GAPDH: variants seen among roughly 807,000 people sequenced by gnomAD.
GAPDH encodes glyceraldehyde-3-phosphate dehydrogenase.
Under a neutral mutation model 31.2 loss-of-function variants are expected in GAPDH, and 13 were observed. The ratio of observed to expected loss-of-function variants is 0.42; its 90% confidence interval spans 0.27 to 0.66. GAPDH has a LOEUF of 0.66. Among genes scored for constraint, GAPDH ranks in the 30% least tolerant of loss-of-function variants. GAPDH has a pLI of 0.26. For missense variants in GAPDH, 300 were observed against 443.7 expected (o/e 0.68, Z 2.91); for synonymous variants, 211 against 166.9 (o/e 1.26, Z -2.04).
At chr12:6,534,917 T>C (rs1565551452) in intron 2 of GAPDH, 56 bp downstream of exon 2, 3 of 1,590,296 alleles carry the variant, frequency 1.9e-6, no homozygotes, top group East Asian at 2.2e-5. Flanking sequence ...GAACCGCGTC[T>C]ACGAGCCTTG....
At position 6,537,026 on chromosome 12, in the gene GAPDH, C is replaced by G; in HGVS notation, c.327+16C>G. The G allele has an allele frequency of 6.2e-7, 1 of 1,609,852 alleles. No individual in the cohort carries two copies. On this transcript the variant is annotated intron_variant, in intron 5 of 8. Coordinates refer to ENST00000229239, the MANE Select transcript of GAPDH (RefSeq NM_002046.7). The surrounding 1 kb of genome is among the most constrained non-coding windows in gnomAD (Gnocchi z 4.9). ...GAAGGCTGGGGTGAGTGCAGGAGGG[C>G]CCGCGGGAGGGGAAGCTGACTCAGC...
At chr12:6,534,651 GCCGCTGCGGGGTGGGCCCGGGCGGCCT>G in intron 1 of GAPDH, 82 bp downstream of exon 1, 1 of 688,752 alleles carries the variant, frequency 1.5e-6, no homozygotes, top group Non-Finnish European at 2.5e-6. Context: ...ATGTGTTCGC[GCCGCTGCGGGGTGGGCCCGGGCGGCCT>G]CCGCATTGCA....
Position 6,537,027 on chromosome 12 carries a change from C to G in GAPDH, c.327+17C>G. Reference sequence around the variant, plus strand: ...AAGGCTGGGGTGAGTGCAGGAGGGCCCGCGGGAGGGGAAGCTGACTCAGCC... The same window carrying G: ...AAGGCTGGGGTGAGTGCAGGAGGGCGCGCGGGAGGGGAAGCTGACTCAGCC... On this transcript the variant is annotated intron_variant, in intron 5 of 8. Transcript: ENST00000229239. The surrounding 1 kb of genome is among the most constrained non-coding windows in gnomAD (Gnocchi z 4.9). 1 of 1,610,318 alleles carries G rather than the reference C, an allele frequency of 6.2e-7. No homozygotes were observed. Among genetic ancestry groups the G allele is most frequent in the Non-Finnish European group, 8.5e-7 (1 of 1,178,230 alleles).
Position 6,537,620 on chromosome 12 carries a change from G to C in GAPDH, c.562G>C (p.Val188Leu). The C allele has an allele frequency of 6.2e-7, 1 of 1,611,926 alleles. No individual in the cohort carries two copies. The highest frequency in any genetic ancestry group is 8.5e-7 in the Non-Finnish European group (1 of 1,179,822). ...TGCCATCACTGCCACCCAGAAGACT[G>C]TGGATGGCCCCTCCGGGAAACTGTG... is the stretch of plus-strand genomic sequence containing the variant. ...VHAITATQKT[V>L]DGPSGKLWRD... The change falls in exon 8 of 9, where the codon GTG becomes CTG. Residue 188 changes from valine to leucine, a missense_variant. By Grantham distance (32) the Val-to-Leu change is conservative. Coordinates refer to ENST00000229239, the MANE Select transcript of GAPDH (RefSeq NM_002046.7). This position sits in a 1 kb window ranked among gnomAD's most constrained non-coding sequence, Gnocchi z 4.9.
chr12:6,536,701 T>C lies in GAPDH; in HGVS notation c.147T>C (p.Tyr49=). ...TCCCCCAGGTTTACATGTTCCAATA[T>C]GATTCCACCCATGGCAAATTCCATG... ...DLNYMVYMFQ[Y]DSTHGKFHGT... The change falls in exon 4 of 9, where the codon TAT becomes TAC. Residue 49 remains tyrosine (Y), a synonymous_variant. Coordinates refer to ENST00000229239, the MANE Select transcript of GAPDH (RefSeq NM_002046.7). The C allele has an allele frequency of 5.0e-6, 8 of 1,613,936 alleles. No individual in the cohort carries two copies. Among genetic ancestry groups the C allele is most frequent in the Non-Finnish European group, 6.8e-6 (8 of 1,179,914 alleles).
Position 6,537,974 on chromosome 12 carries a change from C to G in GAPDH, c.916C>G (p.His306Asp), listed in dbSNP as rs1592189664. 1 of 1,613,330 alleles carries G rather than the reference C, an allele frequency of 6.2e-7. No homozygotes were observed. The highest frequency in any genetic ancestry group is 8.5e-7 in the Non-Finnish European group (1 of 1,179,532). ...TGGGGCTGGCATTGCCCTCAACGAC[C>G]ACTTTGTCAAGCTCATTTCCTGGTA... is the stretch of plus-strand genomic sequence containing the variant. The part of the protein sequence containing the change: ...DAGAGIALND[H>D]FVKLISWYDN... Residue 306 changes from histidine to aspartate, a missense_variant, in exon 8 of 9, where the codon CAC becomes GAC. Coordinates refer to ENST00000229239, the MANE Select transcript of GAPDH (RefSeq NM_002046.7). The surrounding 1 kb of genome is among the most constrained non-coding windows in gnomAD (Gnocchi z 4.9).
chr12:6,537,821 TATG>T lies in GAPDH; in HGVS notation c.768_770del (p.Asp257del), dbSNP rs779337992. 6.2e-7 allele frequency: 1 copy of T among 1,612,028 alleles called. No homozygotes were observed. Among genetic ancestry groups the T allele is most frequent in the South Asian group, 1.1e-5 (1 of 90,996 alleles). Reference sequence around the variant, plus strand: ...CTGCCGTCTAGAAAAACCTGCCAAATATGATGACATCAAGAAGGTGGTGAAGCA... The same window carrying T: ...CTGCCGTCTAGAAAAACCTGCCAAATATGACATCAAGAAGGTGGTGAAGCA... On this transcript the variant is annotated inframe_deletion, in exon 8 of 9. Transcript: ENST00000229239. This position sits in a 1 kb window ranked among gnomAD's most constrained non-coding sequence, Gnocchi z 4.9.
In GAPDH at chr12:6,537,798, G is replaced by T; in HGVS notation, c.740G>T (p.Cys247Phe). Residue 247 changes from cysteine to phenylalanine, a missense_variant, in exon 8 of 9, where the codon TGC becomes TTC. Coordinates refer to ENST00000229239, the MANE Select transcript of GAPDH (RefSeq NM_002046.7). The surrounding 1 kb of genome is among the most constrained non-coding windows in gnomAD (Gnocchi z 4.9). ...TANVSVVDLT[C>F]RLEKPAKYDD... ...AACGTGTCAGTGGTGGACCTGACCTGCCGTCTAGAAAAACCTGCCAAATAT... is the reference window on the plus strand; with the variant it reads ...AACGTGTCAGTGGTGGACCTGACCTTCCGTCTAGAAAAACCTGCCAAATAT... 6.2e-7 allele frequency: 1 copy of T among 1,611,838 alleles called. No homozygotes were observed. The highest frequency in any genetic ancestry group is 8.5e-7 in the Non-Finnish European group (1 of 1,179,854).
rs138192447 is a variant in GAPDH at position 6,538,086 on chromosome 12, CTT to C, written c.939-12_939-11del. ...GCTCAGAAAAAGGGCCCTGACAACT[CTT>C]TTCATCTTCTAGGTATGACAACGAA... is the stretch of plus-strand genomic sequence containing the variant. On this transcript the variant is annotated splice_polypyrimidine_tract_variant and intron_variant, in intron 8 of 8. Transcript: ENST00000229239. 5,413 of 1,600,132 alleles carry C rather than the reference CTT, an allele frequency of 3.4e-3. 188 individuals are homozygous for C. The African/African-American group carries it at 0.062, about 18-fold the overall frequency.
Position 6,534,815 on chromosome 12 carries a change from C to T in GAPDH, c.-18C>T, listed in dbSNP as rs1241244805. 2 of 1,613,412 alleles carry T rather than the reference C, an allele frequency of 1.2e-6. No homozygotes were observed. The highest frequency in any genetic ancestry group is 1.7e-6 in the Non-Finnish European group (2 of 1,179,756). Reference sequence around the variant, plus strand: ...TGTTCTCTCCCTCCGCGCAGCCGAGCCACATCGCTCAGACACCATGGGGAA... The same window carrying T: ...TGTTCTCTCCCTCCGCGCAGCCGAGTCACATCGCTCAGACACCATGGGGAA... On this transcript the variant is annotated 5_prime_UTR_variant, in exon 2 of 9. Transcript: ENST00000229239.
intron 1 of GAPDH, 97 bp from the exon 2 acceptor site, chr12:6,534,713 G>A: frequency 9.3e-7 from 1 of 1,080,484 alleles, no homozygotes; most frequent in Non-Finnish European, 1.4e-6. Context: ...ACGTGATGCG[G>A]CGCGGGCTGG....
In GAPDH at chr12:6,537,694, C is replaced by T. The variant is rs773392187; in HGVS notation, c.636C>T (p.Gly212=). The T allele has an allele frequency of 2.2e-5, 36 of 1,611,644 alleles. No homozygotes were observed. Among genetic ancestry groups the T allele is most frequent in the Admixed American group, 6.7e-5 (4 of 60,020 alleles). ...AGAACATCATCCCTGCCTCTACTGG[C>T]GCTGCCAAGGCTGTGGGCAAGGTCA... ...ALQNIIPAST[G]AAKAVGKVIP... is the part of the protein sequence containing the mutation. The change falls in exon 8 of 9, where the codon GGC becomes GGT. Residue 212 remains glycine, a synonymous_variant. Coordinates refer to ENST00000229239, the MANE Select transcript of GAPDH (RefSeq NM_002046.7). The surrounding 1 kb of genome is among the most constrained non-coding windows in gnomAD (Gnocchi z 4.9).
chr12:6,535,480 G>T, intron 2 of GAPDH: 4 of 984,530 alleles, frequency 4.1e-6, no homozygotes, highest in Non-Finnish European at 4.8e-6. Flanking sequence ...GTAAATCAAA[G>T]AAGTGGGTTT....
chr12:6,534,752 G>GGAGGC (rs1946420309), intron 1 of GAPDH, 58 bp from the exon 2 acceptor site: 3 of 1,442,930 alleles, frequency 2.1e-6, no homozygotes, highest in East Asian at 2.3e-5. Context: ...GGAGGGGAGG[G>GGAGGC]GAGGCGTGTG....
chr12:6,538,047 C>T, intron 8 of GAPDH, 51 bp downstream of exon 8: 4 of 1,597,490 alleles, frequency 2.5e-6, no homozygotes, highest in Non-Finnish European at 3.4e-6. Flanking sequence ...GGGTCTGGCG[C>T]CCTCTGGTGG....
At chr12:6,536,401 C>CA in intron 2 of GAPDH, 93 bp from the exon 3 acceptor site, 1 of 885,084 alleles carries the variant, frequency 1.1e-6, no homozygotes, top group Non-Finnish European at 1.9e-6. Flanking sequence ...GGAGATGCTG[C>CA]ATTCGCCCTC....
In GAPDH at chr12:6,537,988, C is replaced by A; in HGVS notation, c.930C>A (p.Leu310=). Reference sequence around the variant, plus strand: ...CCCTCAACGACCACTTTGTCAAGCTCATTTCCTGGTATGTGGCTGGGGCCA... The same window carrying A: ...CCCTCAACGACCACTTTGTCAAGCTAATTTCCTGGTATGTGGCTGGGGCCA... ...GIALNDHFVK[L]ISWYDNEFGY... Residue 310 remains leucine, a synonymous_variant, in exon 8 of 9, where the codon CTC becomes CTA. Transcript: ENST00000229239. This position sits in a 1 kb window ranked among gnomAD's most constrained non-coding sequence, Gnocchi z 4.9. 1 of 1,613,048 alleles carries A rather than the reference C, an allele frequency of 6.2e-7. No individual in the cohort carries two copies.
In GAPDH at chr12:6,537,559, C is replaced by T. The variant is rs1186077372; in HGVS notation, c.526-25C>T. Reference sequence around the variant, plus strand: ...GTAGAGGGGTGATGTGGGGAGTACGCTGCAGGGCCTCACTCCTTTTGCAGA... The same window carrying T: ...GTAGAGGGGTGATGTGGGGAGTACGTTGCAGGGCCTCACTCCTTTTGCAGA... On this transcript the variant is annotated intron_variant, in intron 7 of 8. Transcript: ENST00000229239. The surrounding 1 kb of genome is among the most constrained non-coding windows in gnomAD (Gnocchi z 4.9). The T allele has an allele frequency of 3.1e-6, 5 of 1,603,756 alleles. No homozygotes were observed. The highest frequency in any genetic ancestry group is 4.3e-6 in the Non-Finnish European group (5 of 1,175,008).
intron 2 of GAPDH, among the ~76,000 whole-genome samples, chr12:6,536,121 C>T (rs1371085646): frequency 6.6e-6 from 1 of 152,194 alleles, no homozygotes; most frequent in African/African-American, 2.4e-5. Flanking sequence ...AGTGTACAAG[C>T]GTTTTCTCCC....
Sources: allele counts gnomAD v4.1 joint callset (sites outside exome capture counted in the v4.1 genomes callset), GRCh38; gene constraint gnomAD v4.1.1; non-coding constraint Gnocchi (gnomAD v3.1); transcripts MANE v1.5; gene names NCBI Gene and HGNC (gene_info 2026-07-23, HGNC 2026-07-21).